Variants in PAG1 observed in about 807,000 individuals in gnomAD.
PAG1 encodes phosphoprotein membrane anchor with glycosphingolipid microdomains 1, also known as phosphoprotein associated with glycosphingolipid-enriched microdomains 1.
A neutral mutation model predicts 31.7 loss-of-function variants in PAG1; 23 were observed. The observed-to-expected ratio is 0.73, with a 90% CI of 0.52 to 1.03. The LOEUF (loss-of-function observed/expected upper bound fraction) is 1.03, where lower values mean the gene tolerates loss of function less well. Ranked by LOEUF, PAG1 falls within the 50% of genes least tolerant of loss-of-function variation. The pLI is 0.00. For missense variants in PAG1, 473 were observed against 540.7 expected (o/e 0.87, Z 1.24); for synonymous variants, 214 against 210.3 (o/e 1.02, Z -0.15).
At chr8:81,103,100 G>A (rs1809633971) in intron 1 of PAG1, among the ~76,000 whole-genome samples, 1 of 149,702 alleles carries the variant, frequency 6.7e-6, no homozygotes, top group African/African-American at 2.5e-5. Flanking sequence ...TTTATACTCA[G>A]ATTCTTTTTT....
intron 1 of PAG1, among the ~76,000 whole-genome samples, chr8:81,104,878 T>A (rs1201232832): frequency 6.6e-6 from 1 of 152,054 alleles, no homozygotes. Context: ...CTCAAATTCA[T>A]CTACAAAACT....
intron 1 of PAG1, among the ~76,000 whole-genome samples, chr8:81,080,156 G>C (rs1333667215): frequency 6.6e-6 from 1 of 152,192 alleles, no homozygotes; most frequent in African/African-American, 2.4e-5. Flanking sequence ...TTGTAATGAC[G>C]AACACAGTGA....
chr8:81,037,852 T>C (rs1808485808), intron 2 of PAG1, among the ~76,000 whole-genome samples: 1 of 152,212 alleles, frequency 6.6e-6, no homozygotes, highest in Non-Finnish European at 1.5e-5. Context: ...AAAAAGTAAA[T>C]ATTATTCCAG....
At chr8:81,033,113 T>C (rs1417430203) in intron 2 of PAG1, among the ~76,000 whole-genome samples, 1 of 152,212 alleles carries the variant, frequency 6.6e-6, no homozygotes, top group Non-Finnish European at 1.5e-5. Flanking sequence ...AATGGATGAC[T>C]TGTATGGTAT....
In PAG1 at chr8:81,083,352, C is replaced by T. The variant is rs186757222; in HGVS notation, c.-233-13182G>A. Reference sequence around the variant, plus strand: ...TTGGGGAGGGTAGAAACCCAGGTTCCGCATATGGTTTCTACTTACATGGGG... The same window carrying T: ...TTGGGGAGGGTAGAAACCCAGGTTCTGCATATGGTTTCTACTTACATGGGG... On this transcript the variant is annotated intron_variant, in intron 1 of 8. Transcript: ENST00000220597. Among the ~76,000 whole-genome samples the T allele has an allele frequency of 1.7e-3, 259 of 152,218 alleles. 1 individual carries two copies. The highest frequency in any genetic ancestry group is 6.0e-3 in the African/African-American group (248 of 41,530).
At chr8:80,996,197 C>T (rs762377275) in intron 3 of PAG1, among the ~76,000 whole-genome samples, 6 of 152,240 alleles carry the variant, frequency 3.9e-5, no homozygotes, top group Admixed American at 1.3e-4. Context: ...CACCAGTCCC[C>T]GTGGTCGTGG....
intron 1 of PAG1, among the ~76,000 whole-genome samples, chr8:81,107,853 C>G (rs1021311281): frequency 6.6e-6 from 1 of 152,212 alleles, no homozygotes; most frequent in African/African-American, 2.4e-5. Flanking sequence ...CTTGTATAAC[C>G]TCCCAATGTG....
At chr8:81,063,496 T>C (rs372706831) in intron 2 of PAG1, among the ~76,000 whole-genome samples, 74 of 152,312 alleles carry the variant, frequency 4.9e-4, no homozygotes, top group African/African-American at 1.7e-3. Flanking sequence ...GGATGGAGCT[T>C]TCATAAGACG....
chr8:81,107,054 T>G (rs559897247), intron 1 of PAG1, among the ~76,000 whole-genome samples: 10 of 152,308 alleles, frequency 6.6e-5, no homozygotes, highest in African/African-American at 2.2e-4. Context: ...TCTCCTTTTT[T>G]TTTAGTGAGA....
intron 2 of PAG1, among the ~76,000 whole-genome samples, chr8:81,066,643 G>A (rs1809013072): frequency 6.6e-6 from 1 of 152,070 alleles, no homozygotes; most frequent in South Asian, 2.1e-4. Flanking sequence ...GAAATTGGCA[G>A]GCAAATACTT....
chr8:80,980,879 C>T (rs549867564), intron 7 of PAG1, among the ~76,000 whole-genome samples: 2 of 152,104 alleles, frequency 1.3e-5, no homozygotes, highest in Non-Finnish European at 1.5e-5. Context: ...AGTTTGCTGG[C>T]GTCATCAGAA....
At chr8:81,074,199 C>T (rs1042292476) in intron 1 of PAG1, among the ~76,000 whole-genome samples, 7 of 152,238 alleles carry the variant, frequency 4.6e-5, no homozygotes, top group East Asian at 3.9e-4. Context: ...CCCACTGAGA[C>T]GAAAGTGGGA....
At chr8:81,055,167 G>C (rs901969287) in intron 2 of PAG1, among the ~76,000 whole-genome samples, 2 of 150,770 alleles carry the variant, frequency 1.3e-5, no homozygotes, top group Non-Finnish European at 2.9e-5. Context: ...GGGCTCAAGC[G>C]ATCCTCCCGC....
At chr8:80,996,227 T>C (rs1586153266) in intron 3 of PAG1, among the ~76,000 whole-genome samples, 1 of 152,092 alleles carries the variant, frequency 6.6e-6, no homozygotes. Flanking sequence ...GCGGGTTGAG[T>C]GGCTGCACCA....
At chr8:81,063,008 A>G (rs914384584) in intron 2 of PAG1, among the ~76,000 whole-genome samples, 3 of 152,238 alleles carry the variant, frequency 2.0e-5, no homozygotes, top group African/African-American at 4.8e-5. Context: ...GAAAGGGAAG[A>G]TGATGAAAAA....
intron 1 of PAG1, among the ~76,000 whole-genome samples, chr8:81,077,773 AT>A (rs1275109243): frequency 6.6e-6 from 1 of 152,224 alleles, no homozygotes; most frequent in Non-Finnish European, 1.5e-5. Flanking sequence ...TAATATGTAA[AT>A]TTTGCTGAAA....
At chr8:81,106,945 T>C (rs1215905187) in intron 1 of PAG1, among the ~76,000 whole-genome samples, 3 of 152,196 alleles carry the variant, frequency 2.0e-5, no homozygotes, top group Non-Finnish European at 4.4e-5. Context: ...GCTGTAGTAA[T>C]GTGGTTCTCC....
intron 3 of PAG1, among the ~76,000 whole-genome samples, chr8:81,026,512 CGAT>C (rs1384628926): frequency 6.6e-6 from 1 of 150,844 alleles, no homozygotes; most frequent in Non-Finnish European, 1.5e-5. Flanking sequence ...CCCCGAGCCA[CGAT>C]GATGACACAC....
At chr8:81,106,974 A>T (rs964221475) in intron 1 of PAG1, among the ~76,000 whole-genome samples, 3 of 152,206 alleles carry the variant, frequency 2.0e-5, no homozygotes, top group African/African-American at 7.2e-5. Context: ...TTCACTGCTG[A>T]TACTTCTTTA....
Sources: gnomAD v4.1 joint callset for allele counts (sites outside exome capture counted in the v4.1 genomes callset) on GRCh38, gnomAD v4.1.1 for gene constraint, MANE v1.5 for transcripts, NCBI Gene and HGNC (gene_info 2026-07-23, HGNC 2026-07-21) for gene names.